GPR39: variants seen among roughly 807,000 people sequenced by gnomAD.
GPR39 encodes G protein-coupled receptor 39.
A neutral mutation model predicts 18.4 loss-of-function variants in GPR39; 23 were observed. That is an observed-to-expected ratio of 1.25 (90% CI 0.90 to 1.77). The LOEUF (loss-of-function observed/expected upper bound fraction) is 1.77. Among genes scored for constraint, GPR39 ranks in the 40% most tolerant of loss-of-function variants. The pLI is 0.00. For missense variants in GPR39, 647 were observed against 602.4 expected (o/e 1.07, Z -0.78); for synonymous variants, 280 against 257.9 (o/e 1.09, Z -0.82).
intron 1 of GPR39, among the ~76,000 whole-genome samples, chr2:132,578,067 G>GTTTTTTTTTTTTTTTTTTTTTTTT (rs34297392): frequency 7.6e-6 from 1 of 131,756 alleles, no homozygotes; most frequent in Non-Finnish European, 1.6e-5. Context: ...TTTTTCTAGA[G>GTTTTTTTTTTTTTTTTTTTTTTTT]TTTTTTTTTT....
At chr2:132,555,863 G>C (rs1680141731) in intron 1 of GPR39, among the ~76,000 whole-genome samples, 1 of 152,186 alleles carries the variant, frequency 6.6e-6, no homozygotes, top group African/African-American at 2.4e-5. Context: ...AGAGGTGAAA[G>C]TGTGTTTGTT....
At chr2:132,446,450 C>T (rs916975420) in intron 1 of GPR39, among the ~76,000 whole-genome samples, 3 of 152,174 alleles carry the variant, frequency 2.0e-5, no homozygotes, top group East Asian at 1.9e-4. Flanking sequence ...ATTCAGTAAG[C>T]GTTTATTGAG....
intron 1 of GPR39, among the ~76,000 whole-genome samples, chr2:132,596,525 A>G (rs983536638): frequency 6.6e-6 from 1 of 151,468 alleles, no homozygotes. Flanking sequence ...CATCAGTCTG[A>G]TTCCTTTCCC....
intron 1 of GPR39, chr2:132,418,656 AG>A (rs1224877583): frequency 6.6e-6 from 1 of 152,194 alleles, no homozygotes; most frequent in Non-Finnish European, 1.5e-5. Context: ...TTGTGATACA[AG>A]TATTTAAAGT....
At chr2:132,541,467 C>G (rs957813059) in intron 1 of GPR39, among the ~76,000 whole-genome samples, 2 of 152,200 alleles carry the variant, frequency 1.3e-5, no homozygotes, top group African/African-American at 4.8e-5. Flanking sequence ...CCTGAATTGA[C>G]AGGGCAAAAG....
In GPR39 at chr2:132,443,051, T is replaced by G. The variant is rs369933045; in HGVS notation, c.856+25153T>G. 5.3e-5 allele frequency among the ~76,000 whole-genome samples: 8 copies of G among 152,354 alleles called. 1 individual carries two copies. Among genetic ancestry groups the G allele is most frequent in the African/African-American group, 9.6e-5 (4 of 41,596 alleles). On this transcript the variant is annotated intron_variant, in intron 1 of 1. Transcript: ENST00000329321. The stretch of plus-strand genomic sequence containing the variant: ...ATAGTTGGAATATATTCAGTATAGT[T>G]AATATTTTATGTTTTAATTTTCATT...
At chr2:132,581,438 C>T (rs572242763) in intron 1 of GPR39, among the ~76,000 whole-genome samples, 4 of 151,732 alleles carry the variant, frequency 2.6e-5, no homozygotes, top group Non-Finnish European at 4.4e-5. Flanking sequence ...CAAGGCCTTG[C>T]AGATGCTTTT....
At chr2:132,499,118 A>G (rs1033179227) in intron 1 of GPR39, among the ~76,000 whole-genome samples, 1 of 152,188 alleles carries the variant, frequency 6.6e-6, no homozygotes, top group Non-Finnish European at 1.5e-5. Flanking sequence ...GTTCTTGGTC[A>G]TGAAGGCTTT....
At chr2:132,535,153 T>C (rs11680264) in intron 1 of GPR39, among the ~76,000 whole-genome samples, 4,805 of 151,680 alleles carry the variant, frequency 0.032, 119 homozygotes, top group Non-Finnish European at 0.044. Context: ...TGTCTTGTGC[T>C]GGTTTTCAAC....
At chr2:132,576,573 A>T (rs1050490740) in intron 1 of GPR39, among the ~76,000 whole-genome samples, 5 of 152,130 alleles carry the variant, frequency 3.3e-5, no homozygotes, top group Non-Finnish European at 7.4e-5. Flanking sequence ...GAATTGTTTG[A>T]TCCCAGGAGG....
At chr2:132,629,557 AG>A (rs1331779305) in intron 1 of GPR39, among the ~76,000 whole-genome samples, 1 of 152,234 alleles carries the variant, frequency 6.6e-6, no homozygotes, top group Non-Finnish European at 1.5e-5. Flanking sequence ...AGTCTAGGGA[AG>A]TTAAACAACT....
intron 1 of GPR39, among the ~76,000 whole-genome samples, chr2:132,539,154 A>G (rs764597772): frequency 5.9e-5 from 9 of 152,124 alleles, no homozygotes; most frequent in African/African-American, 1.9e-4. Flanking sequence ...ACAGTGGTCT[A>G]TTTTTGTGCT....
At chr2:132,457,368 T>G (rs1374119904) in intron 1 of GPR39, among the ~76,000 whole-genome samples, 12 of 152,224 alleles carry the variant, frequency 7.9e-5, no homozygotes, top group Non-Finnish European at 1.6e-4. Flanking sequence ...TTTATTCGAG[T>G]TAACCATCGT....
At chr2:132,505,445 A>G (rs1377648352) in intron 1 of GPR39, among the ~76,000 whole-genome samples, 3 of 152,136 alleles carry the variant, frequency 2.0e-5, no homozygotes, top group Non-Finnish European at 4.4e-5. Context: ...TATACAACAC[A>G]TTGTTAACTG....
rs1682054529 is a variant in GPR39 at position 132,646,050 on chromosome 2, A to C, written c.*444A>C. The stretch of plus-strand genomic sequence containing the variant: ...GGGTGGCATCTCCTTCAGCTTCAGC[A>C]GTGTGCCGAGAAGAGGGCTAATTTG... On this transcript the variant is annotated 3_prime_UTR_variant, in exon 2 of 2. Coordinates refer to ENST00000329321, the MANE Select transcript of GPR39 (RefSeq NM_001508.3). 1.9e-6 allele frequency: 3 copies of C among 1,563,630 alleles called. No individual in the cohort carries two copies. The African/African-American group carries it at 4.1e-5, about 21-fold the overall frequency.
At chr2:132,633,356 G>A (rs1166366815) in intron 1 of GPR39, among the ~76,000 whole-genome samples, 2 of 150,012 alleles carry the variant, frequency 1.3e-5, no homozygotes, top group African/African-American at 4.9e-5. Context: ...GTGTGTGTGT[G>A]TGTGTGTGTG....
chr2:132,511,124 A>T (rs1174656431), intron 1 of GPR39, among the ~76,000 whole-genome samples: 1 of 152,234 alleles, frequency 6.6e-6, no homozygotes, highest in African/African-American at 2.4e-5. Flanking sequence ...TGAACATTGC[A>T]AGAATTCCCA....
intron 1 of GPR39, among the ~76,000 whole-genome samples, chr2:132,519,358 C>T (rs1215089321): frequency 6.6e-6 from 1 of 152,134 alleles, no homozygotes; most frequent in East Asian, 1.9e-4. Flanking sequence ...AGTACTGTTG[C>T]TTTGACATCA....
At chr2:132,447,011 G>A (rs1466550633) in intron 1 of GPR39, among the ~76,000 whole-genome samples, 1 of 152,194 alleles carries the variant, frequency 6.6e-6, no homozygotes. Context: ...CAAGGTGAAT[G>A]CATGAAACGG....
Sources: gnomAD v4.1 joint callset for allele counts (sites outside exome capture counted in the v4.1 genomes callset) on GRCh38, gnomAD v4.1.1 for gene constraint, MANE v1.5 for transcripts, NCBI Gene and HGNC (gene_info 2026-07-23, HGNC 2026-07-21) for gene names.